The following FFAR4 variants were observed in gnomAD, a reference collection of about 807,000 sequenced individuals.
FFAR4 encodes the protein free fatty acid receptor 4, also known as G-protein coupled receptor 120.
FFAR4 carries 19 observed loss-of-function variants against 27.0 expected under a neutral mutation model. The observed-to-expected ratio is 0.70, with a 90% CI of 0.49 to 1.03. FFAR4 has a LOEUF of 1.03. Among genes scored for constraint, FFAR4 ranks in the 50% least tolerant of loss-of-function variants. FFAR4 has a pLI of 0.00. For synonymous variants in FFAR4, 254 were observed against 215.6 expected, an observed-to-expected ratio of 1.18 and a Z score of -1.56; for missense variants, 476 against 479.0, an observed-to-expected ratio of 0.99 and a Z score of 0.06.
chr10:93,568,311 G>A (rs979163130), intron 1 of FFAR4, among the ~76,000 whole-genome samples: 2 of 152,162 alleles, frequency 1.3e-5, no homozygotes, highest in South Asian at 2.1e-4. Flanking sequence ...ATAGAGAAAG[G>A]ACTTAGGTCT....
intron 1 of FFAR4, among the ~76,000 whole-genome samples, chr10:93,570,070 A>AT (rs961585512): frequency 2.3e-4 from 35 of 150,852 alleles, no homozygotes; most frequent in Non-Finnish European, 3.7e-4. Context: ...AAAAAAAAAA[A>AT]TTTTTTTTAA....
At chr10:93,571,331 C>T (rs1005341956) in intron 1 of FFAR4, among the ~76,000 whole-genome samples, 67 of 152,318 alleles carry the variant, frequency 4.4e-4, no homozygotes, top group Middle Eastern at 3.4e-3. Context: ...CTTGCCCCTG[C>T]CACAAATCAC....
rs2058249940 is a variant in FFAR4 at position 93,589,485 on chromosome 10, T to C, written c.*1876T>C. The C allele has an allele frequency of 1.3e-5, 2 of 150,976 alleles. No individual in the cohort carries two copies. The highest frequency in any genetic ancestry group is 2.9e-5 in the Non-Finnish European group (2 of 67,820). 9.4% of individuals were successfully genotyped at this position (150,976 alleles called of 1,614,324 possible). On this transcript the variant is annotated 3_prime_UTR_variant, in exon 3 of 3. Coordinates refer to ENST00000371481, the MANE Select transcript of FFAR4 (RefSeq NM_001195755.2). ...AAAGATGATTTATTGATGGGAAGGA[T>C]GGAATTGATAGAATGTGAGGGAAAG...
chr10:93,566,900 C>A lies in FFAR4; in HGVS notation c.180C>A (p.Cys60Ter). 1.9e-6 allele frequency: 3 copies of A among 1,606,824 alleles called. No homozygotes were observed. The highest frequency in any genetic ancestry group is 2.3e-5 in the East Asian group (1 of 44,432). Reference sequence around the variant, plus strand: ...CAGTGTCGCTGCTGGGCAACGTGTGCGCCCTGGTGCTGGTGGCGCGCCGAC... The same window carrying A: ...CAGTGTCGCTGCTGGGCAACGTGTGAGCCCTGGTGCTGGTGGCGCGCCGAC... The part of the protein sequence containing the change: ...IFAVSLLGNV[C>*]ALVLVARRRR... The change falls in exon 1 of 3, where the codon TGC (cysteine) becomes TGA (stop). Residue 60 changes from cysteine (C) to a stop codon, truncating the protein, a stop_gained. Coordinates refer to ENST00000371481, the MANE Select transcript of FFAR4 (RefSeq NM_001195755.2). LOFTEE classifies it high-confidence loss of function.
At chr10:93,579,985 T>G (rs2058188829) in intron 2 of FFAR4, among the ~76,000 whole-genome samples, 2 of 152,210 alleles carry the variant, frequency 1.3e-5, no homozygotes, top group South Asian at 4.1e-4. Flanking sequence ...CACTTAAAAA[T>G]TACTTTCCAC....
intron 2 of FFAR4, among the ~76,000 whole-genome samples, chr10:93,579,815 G>A (rs565019807): frequency 6.6e-6 from 1 of 152,328 alleles, no homozygotes; most frequent in East Asian, 1.9e-4. Flanking sequence ...TAAGACAGAA[G>A]TTCTAATCCA....
chr10:93,577,622 A>G (rs577844723), intron 2 of FFAR4, among the ~76,000 whole-genome samples: 1 of 152,332 alleles, frequency 6.6e-6, no homozygotes, highest in East Asian at 1.9e-4. Context: ...TGTAAGTGTT[A>G]GCTATTATCA....
In FFAR4 at chr10:93,587,522, T is replaced by A. The variant is rs142295722; in HGVS notation, c.999T>A (p.Ile333=). 271 of 1,613,948 alleles carry A rather than the reference T, an allele frequency of 1.7e-4. 1 individual carries two copies. The East Asian group carries it at 3.1e-3, about 19-fold the overall frequency. ...TGTGCAGGAATGAGTGGAAGAAAAT[T>A]TTTTGCTGCTTCTGGTTCCCAGAAA... is the stretch of plus-strand genomic sequence containing the variant. ...MTLCRNEWKK[I]FCCFWFPEKG... Residue 333 remains isoleucine (I), a synonymous_variant, in exon 3 of 3, where the codon ATT becomes ATA. Transcript: ENST00000371481.
chr10:93,576,018 C>G (rs2058161532), intron 1 of FFAR4, 73 bp from the exon 2 acceptor site: 1 of 1,500,316 alleles, frequency 6.7e-7, no homozygotes, highest in Non-Finnish European at 9.2e-7. Context: ...GTCAGGAAAC[C>G]CTCAATAAGA....
chr10:93,573,895 C>G (rs2058146709), intron 1 of FFAR4, among the ~76,000 whole-genome samples: 1 of 152,172 alleles, frequency 6.6e-6, no homozygotes, highest in Non-Finnish European at 1.5e-5. Context: ...GTTTGATCAT[C>G]ATTTCACTTA....
chr10:93,570,654 G>T (rs181481558), intron 1 of FFAR4, among the ~76,000 whole-genome samples: 1 of 152,128 alleles, frequency 6.6e-6, no homozygotes, highest in East Asian at 1.9e-4. Flanking sequence ...AGCTTCTGCC[G>T]ACCCAAGAGC....
chr10:93,567,233 G>C lies in FFAR4; in HGVS notation c.513G>C (p.Leu171=). 6.2e-7 allele frequency: 1 copy of C among 1,601,410 alleles called. No homozygotes were observed. The highest frequency in any genetic ancestry group is 8.5e-7 in the Non-Finnish European group (1 of 1,179,646). Residue 171 remains leucine (L), a synonymous_variant, in exon 1 of 3, where the codon CTG becomes CTC. Coordinates refer to ENST00000371481, the MANE Select transcript of FFAR4 (RefSeq NM_001195755.2). The part of the protein sequence containing the change: ...LIWGYSAVAA[L]PLCVFFRVVP... ...GGGGCTATTCGGCGGTCGCCGCTCT[G>C]CCTCTCTGCGTCTTCTTCCGAGTCG... is the stretch of plus-strand genomic sequence containing the variant.
chr10:93,577,337 C>G (rs2058169998), intron 2 of FFAR4, among the ~76,000 whole-genome samples: 2 of 152,208 alleles, frequency 1.3e-5, no homozygotes, highest in South Asian at 4.1e-4. Context: ...CCTGCTCACT[C>G]TCTGGTCACT....
intron 1 of FFAR4, among the ~76,000 whole-genome samples, chr10:93,574,240 A>C (rs191032028): frequency 3.9e-5 from 6 of 152,280 alleles, no homozygotes; most frequent in Non-Finnish European, 8.8e-5. Context: ...TTGCTCTATC[A>C]TTATACCCTC....
chr10:93,567,161 G>A lies in FFAR4; in HGVS notation c.441G>A (p.Val147=), dbSNP rs1415381630. The change falls in exon 1 of 3, where the codon GTG becomes GTA. Residue 147 remains valine, a synonymous_variant. Transcript: ENST00000371481. ...GCATCGTGCACCTGCAGCGCGGCGTGCGGGGTCCTGGGCGGCGGGCGCGGG... is the reference window on the plus strand; with the variant it reads ...GCATCGTGCACCTGCAGCGCGGCGTACGGGGTCCTGGGCGGCGGGCGCGGG... ...MVCIVHLQRG[V]RGPGRRARAV... 1 of 1,604,996 alleles carries A rather than the reference G, an allele frequency of 6.2e-7. No individual in the cohort carries two copies. The highest frequency in any genetic ancestry group is 1.7e-5 in the Admixed American group (1 of 59,796).
At chr10:93,567,610 A>G (rs1162498723) in intron 1 of FFAR4, among the ~76,000 whole-genome samples, 3 of 152,186 alleles carry the variant, frequency 2.0e-5, no homozygotes, top group Non-Finnish European at 4.4e-5. Flanking sequence ...TTTGTATTGA[A>G]TCATGATTCC....
rs1310231506 is a variant in FFAR4, at chr10:93,588,977, T to A, written c.*1368T>A. The A allele has an allele frequency of 6.6e-6, 1 of 151,770 alleles. No homozygotes were observed. Among genetic ancestry groups the A allele is most frequent in the Admixed American group, 6.6e-5 (1 of 15,242 alleles). 9.4% of individuals were successfully genotyped at this position (151,770 alleles called of 1,614,324 possible). On this transcript the variant is annotated 3_prime_UTR_variant, in exon 3 of 3. Coordinates refer to ENST00000371481, the MANE Select transcript of FFAR4 (RefSeq NM_001195755.2). The stretch of plus-strand genomic sequence containing the variant: ...GGCCTAAGGAGACCTTTCTGAGGAG[T>A]GACAAATTGGATCAAAAGGTAAGCG...
intron 2 of FFAR4, among the ~76,000 whole-genome samples, chr10:93,581,993 C>T (rs1444247638): frequency 1.3e-5 from 2 of 152,176 alleles, no homozygotes; most frequent in Non-Finnish European, 2.9e-5. Context: ...GAACCTATCC[C>T]AGAGGCTTGT....
At chr10:93,579,644 A>G (rs564126600) in intron 2 of FFAR4, among the ~76,000 whole-genome samples, 39 of 152,174 alleles carry the variant, frequency 2.6e-4, no homozygotes, top group Non-Finnish European at 4.9e-4. Context: ...TGGTTTGTTC[A>G]CTGCTATATT....
Sources: gnomAD v4.1 joint callset for allele counts (sites outside exome capture counted in the v4.1 genomes callset) on GRCh38, gnomAD v4.1.1 for gene constraint, MANE v1.5 for transcripts, NCBI Gene and HGNC (gene_info 2026-07-23, HGNC 2026-07-21) for gene names.